EMILIN3: variants seen among roughly 807,000 people sequenced by gnomAD.
EMILIN3 encodes the protein elastin microfibril interfacer 3, also known as EMILIN-3.
Under a neutral mutation model 42.8 loss-of-function variants are expected in EMILIN3, and 38 were observed. The ratio of observed to expected loss-of-function variants is 0.89; its 90% CI spans 0.69 to 1.16. The LOEUF (loss-of-function observed/expected upper bound fraction) is 1.16, where lower values mean the gene tolerates loss of function less well. Ranked by LOEUF, EMILIN3 falls within the 50% of genes most tolerant of loss-of-function variation. The pLI is 0.00. For synonymous variants in EMILIN3, 430 were observed against 440.5 expected, an observed-to-expected ratio of 0.98 and a Z score of 0.30; for missense variants, 924 against 999.5, an observed-to-expected ratio of 0.92 and a Z score of 1.02.
intron 1 of EMILIN3, among the ~76,000 whole-genome samples, 169 bp from the exon 2 acceptor site, chr20:41,365,326 C>T (rs74586099): frequency 0.14 from 21,909 of 152,192 alleles, 1,866 homozygotes; most frequent in Non-Finnish European, 0.18. Context: ...GGTCCAGCCC[C>T]GCTGCTGGTC....
At chr20:41,363,571 C>T in intron 3 of EMILIN3, 67 bp downstream of exon 3, 2 of 1,473,834 alleles carry the variant, frequency 1.4e-6, no homozygotes, top group East Asian at 2.3e-5. Flanking sequence ...GATCAGTCCC[C>T]TCCCTGCCCC....
Position 41,361,953 on chromosome 20 carries a change from G to A in EMILIN3, c.1616C>T (p.Ala539Val). 6.2e-7 allele frequency: 1 copy of A among 1,612,470 alleles called. No homozygotes were observed. Among genetic ancestry groups the A allele is most frequent in the Non-Finnish European group, 8.5e-7 (1 of 1,179,360 alleles). The change falls in exon 4 of 4, where the codon GCC becomes GTC. Residue 539 changes from alanine to valine, a missense_variant. Transcript: ENST00000332312. ...GAGGGCCTCGCTCCGGCTCTGCCAG[G>A]CCTTCACCTCTGCCACGAGGCTGTC... ...ILDSLVAEVK[A>V]WQSRSEALLR...
In EMILIN3 at chr20:41,365,140, A is replaced by G. The variant is rs1442687542; in HGVS notation, c.185T>C (p.Val62Ala). The change falls in exon 2 of 4, where the codon GTG becomes GCG. Residue 62 changes from valine (V) to alanine (A), a missense_variant. Val to Ala is a moderately conservative substitution (Grantham distance 64, BLOSUM62 0). Transcript: ENST00000332312. ...PGPHKALCAY[V>A]VHRNVTCILQ... Reference sequence around the variant, plus strand: ...GATGCAGGTCACATTCCTGTGCACCACATAGGCACAGAGGGCCCTACAGGA... The same window carrying G: ...GATGCAGGTCACATTCCTGTGCACCGCATAGGCACAGAGGGCCCTACAGGA... 1 of 1,613,934 alleles carries G rather than the reference A, an allele frequency of 6.2e-7. No individual in the cohort carries two copies.
At position 41,361,332 on chromosome 20, in the gene EMILIN3, C is replaced by G; in HGVS notation, c.2237G>C (p.Arg746Pro). The G allele has an allele frequency of 6.2e-7, 1 of 1,610,586 alleles. No homozygotes were observed. Among genetic ancestry groups the G allele is most frequent in the Non-Finnish European group, 8.5e-7 (1 of 1,177,656 alleles). The change falls in exon 4 of 4, where the codon CGG (arginine) becomes CCG (proline). Residue 746 changes from arginine (R) to proline (P), a missense_variant. Arg to Pro is a moderately radical substitution (Grantham distance 103, BLOSUM62 -2). Coordinates refer to ENST00000332312, the MANE Select transcript of EMILIN3 (RefSeq NM_052846.2). ...AQHTQDIARL[R>P]DDLLDCQAQL... ...GGCCTGGCAGTCCAGTAGGTCATCC[C>G]GGAGGCGGGCAATGTCCTGCGTGTG...
intron 2 of EMILIN3, among the ~76,000 whole-genome samples, chr20:41,364,273 C>T (rs2046383015): frequency 6.6e-6 from 1 of 152,186 alleles, no homozygotes; most frequent in Admixed American, 6.5e-5. Flanking sequence ...GGAGCTGGCG[C>T]TGGCAGCCCC....
chr20:41,361,206 G>A lies in EMILIN3; in HGVS notation c.*62C>T. ...CTGGAAGGCGCTGCTGGATAAGGCT[G>A]GGCTCTGGGGTGATGTTCCCCGAGT... On this transcript the variant is annotated 3_prime_UTR_variant, in exon 4 of 4. Coordinates refer to ENST00000332312, the MANE Select transcript of EMILIN3 (RefSeq NM_052846.2). 1 of 1,463,352 alleles carries A rather than the reference G, an allele frequency of 6.8e-7. No individual in the cohort carries two copies. The highest frequency in any genetic ancestry group is 1.4e-5 in the South Asian group (1 of 73,936). 90.6% of individuals were successfully genotyped at this position (1,463,352 alleles called of 1,614,324 possible).
chr20:41,362,544 T>C lies in EMILIN3; in HGVS notation c.1025A>G (p.Glu342Gly). Reference protein sequence around the residue: ...LRVQEVRRQCEEGQAASRRLH... With the variant: ...LRVQEVRRQCGEGQAASRRLH... Reference sequence around the variant, plus strand: ...CCTCCGGCTGGCGGCCTGACCCTCCTCACATTGCCGCCGTACCTCCTGCAC... The same window carrying C: ...CCTCCGGCTGGCGGCCTGACCCTCCCCACATTGCCGCCGTACCTCCTGCAC... Residue 342 changes from glutamate (E) to glycine (G), a missense_variant, in exon 4 of 4, where the codon GAG (glutamate) becomes GGG (glycine). By Grantham distance (98) the Glu-to-Gly change is moderately conservative (BLOSUM62 -2). Transcript: ENST00000332312. 6.3e-7 allele frequency: 1 copy of C among 1,598,834 alleles called. No homozygotes were observed. Among genetic ancestry groups the C allele is most frequent in the African/African-American group, 1.3e-5 (1 of 75,006 alleles).
chr20:41,365,278 G>T, intron 1 of EMILIN3, 121 bp from the exon 2 acceptor site: 1 of 1,386,254 alleles, frequency 7.2e-7, no homozygotes, highest in Non-Finnish European at 9.6e-7. Context: ...TCTTCTGTCT[G>T]TTCTCTGTGT....
chr20:41,360,924 G>A lies in EMILIN3; in HGVS notation c.*344C>T. 2.8e-6 allele frequency: 1 copy of A among 362,498 alleles called. No homozygotes were observed. Among genetic ancestry groups the A allele is most frequent in the Non-Finnish European group, 5.1e-6 (1 of 197,064 alleles). The allele number at this position is 362,498 out of a possible 1,614,324, so 22.5% of individuals were successfully genotyped here. A position where few individuals can be genotyped will look rare whatever the true frequency, so the allele number is the denominator to read the frequency against. On this transcript the variant is annotated 3_prime_UTR_variant, in exon 4 of 4. Transcript: ENST00000332312. Reference sequence around the variant, plus strand: ...GCCTTACATACGGACACTGATCAAGGCCAGTTTGCCACAGCAGCTGCCCCT... The same window carrying A: ...GCCTTACATACGGACACTGATCAAGACCAGTTTGCCACAGCAGCTGCCCCT...
At position 41,362,140 on chromosome 20, in the gene EMILIN3, G is replaced by C. The variant is rs2046365551; in HGVS notation, c.1429C>G (p.Leu477Val). Residue 477 changes from leucine to valine, a missense_variant, in exon 4 of 4, where the codon CTC becomes GTC. Physicochemically the swap from Leu to Val is conservative, Grantham distance 32 (BLOSUM62 1). Coordinates refer to ENST00000332312, the MANE Select transcript of EMILIN3 (RefSeq NM_052846.2). The stretch of plus-strand genomic sequence containing the variant: ...GCCAATGTTGCTAGGCGCTCCTCGA[G>C]GCTCTGCACGCGCTCTTCCAGCATG... Reference protein sequence around the residue: ...GTMLEERVQSLEERLATLAGE... With the variant: ...GTMLEERVQSVEERLATLAGE... 6.2e-7 allele frequency: 1 copy of C among 1,607,962 alleles called. No homozygotes were observed. Among genetic ancestry groups the C allele is most frequent in the Non-Finnish European group, 8.5e-7 (1 of 1,175,874 alleles).
At chr20:41,365,466 C>T (rs189566184) in intron 1 of EMILIN3, among the ~76,000 whole-genome samples, 1 of 73,512 alleles carries the variant, frequency 1.4e-5, no homozygotes, top group Non-Finnish European at 2.5e-5. Context: ...CCCTGCCACA[C>T]CCCCCCATCC....
Position 41,363,645 on chromosome 20 carries a change from G to A in EMILIN3, c.507C>T (p.Ser169=), listed in dbSNP as rs530651925. The change falls in exon 3 of 4, where the codon AGC becomes AGT. Residue 169 remains serine (S), a synonymous_variant. Transcript: ENST00000332312. Reference sequence around the variant, plus strand: ...CTCCTTGGGCAGACTCACCATGAGGGCTGGGGGCTGCTCTGCTGTAGGAAG... The same window carrying A: ...CTCCTTGGGCAGACTCACCATGAGGACTGGGGGCTGCTCTGCTGTAGGAAG... The part of the protein sequence containing the change: ...RPPSYSRAAP[S]PHGRKGPGLF... The A allele has an allele frequency of 3.1e-6, 5 of 1,608,816 alleles. No individual in the cohort carries two copies. The highest frequency in any genetic ancestry group is 1.7e-5 in the Admixed American group (1 of 59,932).
Position 41,362,242 on chromosome 20 carries a change from T to C in EMILIN3, c.1327A>G (p.Asn443Asp). The change falls in exon 4 of 4, where the codon AAT becomes GAT. Residue 443 changes from asparagine (N) to aspartate (D), a missense_variant. By Grantham distance (23) the Asn-to-Asp change is conservative (BLOSUM62 1). Transcript: ENST00000332312. Reference sequence around the variant, plus strand: ...CCCCTTGCTCCACCCTCTGTCCCATTGAGCGTCTCCAGACCCTCAAGCAGC... The same window carrying C: ...CCCCTTGCTCCACCCTCTGTCCCATCGAGCGTCTCCAGACCCTCAAGCAGC... ...DGLLEGLETL[N>D]GTEGGARGCC... 5.6e-6 allele frequency: 9 copies of C among 1,613,858 alleles called. No individual in the cohort carries two copies. The highest frequency in any genetic ancestry group is 7.6e-6 in the Non-Finnish European group (9 of 1,179,966).
At position 41,364,911 on chromosome 20, in the gene EMILIN3, G is replaced by A. The variant is rs536270131; in HGVS notation, c.290+124C>T. ...CCGCCTTCTACTCTGGCCTGTATGG[G>A]GGCTCAGGTGGGCTCTCTGGAGTCC... is the stretch of plus-strand genomic sequence containing the variant. On this transcript the variant is annotated intron_variant, in intron 2 of 3. Transcript: ENST00000332312. The A allele has an allele frequency of 9.0e-6, 13 of 1,437,030 alleles. No homozygotes were observed. The Admixed American group carries it at 1.6e-4, about 17-fold the overall frequency. The allele number at this position is 1,437,030 out of a possible 1,614,324, so 89.0% of individuals were successfully genotyped here.
rs2046396725 is a variant in EMILIN3 at position 41,366,734 on chromosome 20, C to A, written c.-100G>T. 1 of 813,944 alleles carries A rather than the reference C, an allele frequency of 1.2e-6. No individual in the cohort carries two copies. The highest frequency in any genetic ancestry group is 6.2e-4 in the Middle Eastern group (1 of 1,608). The allele number at this position is 813,944 out of a possible 1,614,324, so 50.4% of individuals were successfully genotyped here. A position where few individuals can be genotyped will look rare whatever the true frequency, so the allele number is the denominator to read the frequency against. On this transcript the variant is annotated 5_prime_UTR_variant, in exon 1 of 4. Coordinates refer to ENST00000332312, the MANE Select transcript of EMILIN3 (RefSeq NM_052846.2). The surrounding 1 kb of genome is among the most constrained non-coding windows in gnomAD (Gnocchi z 4.2). ...CCGCCGCTGGTCGGCCCGGGTCCCG[C>A]CCCGAGGGTCCCGGGGTCCCCTTCG...
chr20:41,362,806 C>T lies in EMILIN3; in HGVS notation c.763G>A (p.Val255Met), dbSNP rs1012024039. The change falls in exon 4 of 4, where the codon GTG becomes ATG. Residue 255 changes from valine (V) to methionine (M), a missense_variant. Val to Met is a conservative substitution (Grantham distance 21). Coordinates refer to ENST00000332312, the MANE Select transcript of EMILIN3 (RefSeq NM_052846.2). Reference protein sequence around the residue: ...TPPLDEILSKVTEVSNTLQTK... With the variant: ...TPPLDEILSKMTEVSNTLQTK... ...TGAAGAGTGTTGCTCACCTCTGTCA[C>T]CTTGCTTAGGATCTCGTCTAAGGGA... 5 of 1,614,208 alleles carry T rather than the reference C, an allele frequency of 3.1e-6. No individual in the cohort carries two copies. Among genetic ancestry groups the T allele is most frequent in the Non-Finnish European group, 4.2e-6 (5 of 1,180,038 alleles).
rs1383195598 is a variant in EMILIN3, at chr20:41,366,389, G to T, written c.167+79C>A. 9.6e-7 allele frequency: 1 copy of T among 1,042,398 alleles called. No homozygotes were observed. The highest frequency in any genetic ancestry group is 1.2e-6 in the Non-Finnish European group (1 of 858,146). The allele number at this position is 1,042,398 out of a possible 1,614,324, so 64.6% of individuals were successfully genotyped here. A position where few individuals can be genotyped will look rare whatever the true frequency, so the allele number is the denominator to read the frequency against. ...GGTGCCCGGGGCCTCGACGCCCCCC[G>T]CGGGTGCGGGCAGGTGGGAGCGGCG... On this transcript the variant is annotated intron_variant, in intron 1 of 3. Coordinates refer to ENST00000332312, the MANE Select transcript of EMILIN3 (RefSeq NM_052846.2). The surrounding 1 kb of genome is among the most constrained non-coding windows in gnomAD (Gnocchi z 4.2).
chr20:41,366,320 GGGGCTC>G lies in EMILIN3; in HGVS notation c.167+142_167+147del. The stretch of plus-strand genomic sequence containing the variant: ...GGAGCGTAGGGCGCTCGCCTGGGCA[GGGGCTC>G]GGCCCCGGGCGCCGCCCCCTCTGTG... On this transcript the variant is annotated intron_variant, in intron 1 of 3. Coordinates refer to ENST00000332312, the MANE Select transcript of EMILIN3 (RefSeq NM_052846.2). This position sits in a 1 kb window ranked among gnomAD's most constrained non-coding sequence, Gnocchi z 4.2. The G allele has an allele frequency of 3.8e-6, 2 of 521,392 alleles. No homozygotes were observed. The highest frequency in any genetic ancestry group is 5.1e-6 in the Non-Finnish European group (2 of 389,186). The allele number at this position is 521,392 out of a possible 1,614,324, so 32.3% of individuals were successfully genotyped here.
In EMILIN3 at chr20:41,361,255, C is replaced by T. The variant is rs1325461791; in HGVS notation, c.*13G>A. On this transcript the variant is annotated 3_prime_UTR_variant, in exon 4 of 4. Coordinates refer to ENST00000332312, the MANE Select transcript of EMILIN3 (RefSeq NM_052846.2). ...GTTGGTGGGATCTAGGGGTTGGGTC[C>T]TGGCCAGCCTGTCTAGTTGGCTTGC... The T allele has an allele frequency of 6.4e-7, 1 of 1,567,014 alleles. No homozygotes were observed. The highest frequency in any genetic ancestry group is 2.3e-5 in the East Asian group (1 of 44,094).
Sources: gnomAD v4.1 joint callset for allele counts (sites outside exome capture counted in the v4.1 genomes callset) on GRCh38, gnomAD v4.1.1 for gene constraint, Gnocchi (gnomAD v3.1) non-coding constraint, MANE v1.5 for transcripts, NCBI Gene and HGNC (gene_info 2026-07-23, HGNC 2026-07-21) for gene names.